The following CNTN4 variants were observed in gnomAD, a reference collection of about 807,000 sequenced individuals.
CNTN4 encodes the protein contactin 4, also known as contactin-4.
In CNTN4, 77 loss-of-function variants were observed where a neutral mutation model predicts 122.5. The observed-to-expected ratio is 0.63, with a 90% CI of 0.52 to 0.76. CNTN4 has a LOEUF of 0.76. Among genes scored for constraint, CNTN4 ranks in the 30% least tolerant of loss-of-function variants. The pLI is 0.00. For missense variants in CNTN4, 1,256 were observed against 1,259.1 expected (o/e 1.00, Z 0.04); for synonymous variants, 512 against 447.0 (o/e 1.15, Z -1.83).
chr3:2,791,140 T>G (rs951889232), intron 6 of CNTN4, among the ~76,000 whole-genome samples: 1 of 152,110 alleles, frequency 6.6e-6, no homozygotes, highest in Non-Finnish European at 1.5e-5. Flanking sequence ...TTAAAATGAG[T>G]TTTATCATGT....
chr3:2,651,820 C>G (rs2083374852), intron 4 of CNTN4, among the ~76,000 whole-genome samples: 1 of 151,300 alleles, frequency 6.6e-6, no homozygotes, highest in Non-Finnish European at 1.5e-5. Context: ...TTCCCTACTT[C>G]TTACTCTCGA....
At chr3:2,531,425 C>T (rs548962164) in intron 3 of CNTN4, among the ~76,000 whole-genome samples, 3 of 152,158 alleles carry the variant, frequency 2.0e-5, no homozygotes, top group Non-Finnish European at 4.4e-5. Flanking sequence ...GAGGGACCTT[C>T]TCCATCTCCA....
At position 2,520,698 on chromosome 3, in the gene CNTN4, G is replaced by A. The variant is rs1241046578; in HGVS notation, c.-88-50718G>A. ...ACTTTTTTTTAAACCACAAGATAGAGCCTAAATTCCATTTAATTTTCCACT... is the reference window on the plus strand; with the variant it reads ...ACTTTTTTTTAAACCACAAGATAGAACCTAAATTCCATTTAATTTTCCACT... On this transcript the variant is annotated intron_variant, in intron 3 of 24. Coordinates refer to ENST00000418658, the MANE Select transcript of CNTN4 (RefSeq NM_175607.3). Among the ~76,000 whole-genome samples, 3 of 151,526 alleles carry A rather than the reference G, an allele frequency of 2.0e-5. No homozygotes were observed. The East Asian group carries it at 5.9e-4, about 30-fold the overall frequency.
At chr3:2,418,678 G>T (rs568486449) in intron 3 of CNTN4, among the ~76,000 whole-genome samples, 25 of 152,098 alleles carry the variant, frequency 1.6e-4, no homozygotes, top group Non-Finnish European at 3.7e-4. Flanking sequence ...GGGTTTATAG[G>T]AAAGGAAATA....
intron 4 of CNTN4, among the ~76,000 whole-genome samples, chr3:2,707,856 A>T (rs745586063): frequency 6.6e-6 from 1 of 152,144 alleles, no homozygotes; most frequent in Non-Finnish European, 1.5e-5. Flanking sequence ...CTCTGACTAG[A>T]TGTCATGTGC....
At chr3:2,146,990 C>T (rs2035273945) in intron 2 of CNTN4, among the ~76,000 whole-genome samples, 1 of 152,116 alleles carries the variant, frequency 6.6e-6, no homozygotes, top group Non-Finnish European at 1.5e-5. Flanking sequence ...AAGCGATTCT[C>T]CTGCCTCAGC....
At position 2,179,908 on chromosome 3, in the gene CNTN4, G is replaced by A. The variant is rs529642194; in HGVS notation, c.-145+79269G>A. On this transcript the variant is annotated intron_variant, in intron 2 of 24. Transcript: ENST00000418658. Reference sequence around the variant, plus strand: ...TATGTAAAATAATCATTACTTCATAGGTACTCAGTTGTAAAAAAGATTAGT... The same window carrying A: ...TATGTAAAATAATCATTACTTCATAAGTACTCAGTTGTAAAAAAGATTAGT... Among the ~76,000 whole-genome samples, 4 of 151,896 alleles carry A rather than the reference G, an allele frequency of 2.6e-5. No individual in the cohort carries two copies. The East Asian group carries it at 7.7e-4, about 29-fold the overall frequency.
At chr3:2,474,691 G>A (rs990070617) in intron 3 of CNTN4, among the ~76,000 whole-genome samples, 1 of 152,190 alleles carries the variant, frequency 6.6e-6, no homozygotes, top group Non-Finnish European at 1.5e-5. Flanking sequence ...GTCAAGCCAT[G>A]TTAGAAACCC....
chr3:2,735,536 G>C (rs1345400559), intron 4 of CNTN4, among the ~76,000 whole-genome samples: 3 of 152,208 alleles, frequency 2.0e-5, no homozygotes, highest in African/African-American at 2.4e-5. Flanking sequence ...CATTGCACCT[G>C]TTATAGACCA....
chr3:2,466,970 C>CTTTCTTTCTTTT (rs1392656721), intron 3 of CNTN4, among the ~76,000 whole-genome samples: 1 of 115,806 alleles, frequency 8.6e-6, no homozygotes, highest in African/African-American at 3.4e-5. Context: ...TTCTTTCTTT[C>CTTTCTTTCTTTT]TTTTTTTTTT....
chr3:2,411,817 TCC>T (rs1491262126), intron 3 of CNTN4, among the ~76,000 whole-genome samples: 25 of 152,268 alleles, frequency 1.6e-4, no homozygotes, highest in African/African-American at 5.8e-4. Context: ...AGCATCGTTT[TCC>T]CCTTTTCCAT....
intron 2 of CNTN4, among the ~76,000 whole-genome samples, chr3:2,230,294 A>G (rs1009570836): frequency 1.3e-5 from 2 of 152,208 alleles, no homozygotes; most frequent in Admixed American, 6.5e-5. Flanking sequence ...CATAGTGTGT[A>G]CAACCAGAAG....
At chr3:2,714,649 C>T (rs1202283467) in intron 4 of CNTN4, among the ~76,000 whole-genome samples, 1 of 152,144 alleles carries the variant, frequency 6.6e-6, no homozygotes, top group Non-Finnish European at 1.5e-5. Context: ...CAGAACAGAA[C>T]CAGAGACAGC....
At chr3:2,742,561 GAATCCTATAGATACCCTCCCAGC>G (rs2089517810) in intron 5 of CNTN4, among the ~76,000 whole-genome samples, 2 of 2,222 alleles carry the variant, frequency 9.0e-4, no homozygotes, top group African/African-American at 2.4e-3. Context: ...TTGCTACAGC[GAATCCTATAGATACCCTCCCAGC>G]AAAGCCACAG....
At chr3:2,681,486 T>C (rs56979434) in intron 4 of CNTN4, among the ~76,000 whole-genome samples, 3,757 of 152,232 alleles carry the variant, frequency 0.025, 126 homozygotes, top group African/African-American at 0.081. Context: ...CCAGAACTTA[T>C]ATGGCTAGAG....
rs1283636430 is a variant in CNTN4, at chr3:2,121,078, C to CCCTCCCTT, written c.-145+20443_-145+20450dup. On this transcript the variant is annotated intron_variant, in intron 2 of 24. Coordinates refer to ENST00000418658, the MANE Select transcript of CNTN4 (RefSeq NM_175607.3). ...TGTGAATTTTAATGACTTCCTTCCT[C>CCCTCCCTT]CCTCCCTTCCTTCCCTCCCTTCTTC... Among the ~76,000 whole-genome samples, 3 of 142,740 alleles carry CCCTCCCTT rather than the reference C, an allele frequency of 2.1e-5. No individual in the cohort carries two copies. In the East Asian group the frequency reaches 6.0e-4, roughly 28 times the overall value. The allele number at this position is 142,740 out of a possible 152,430, so 93.6% of individuals were successfully genotyped here.
At chr3:2,467,504 C>T (rs1011922603) in intron 3 of CNTN4, among the ~76,000 whole-genome samples, 1 of 152,160 alleles carries the variant, frequency 6.6e-6, no homozygotes, top group African/African-American at 2.4e-5. Context: ...GAGCCTGTAT[C>T]TCAGCCTTTC....
chr3:2,537,953 T>TC (rs2077875507), intron 3 of CNTN4, among the ~76,000 whole-genome samples: 2 of 151,884 alleles, frequency 1.3e-5, no homozygotes, highest in African/African-American at 4.8e-5. Flanking sequence ...ATTGTGCTCC[T>TC]CCCCCTACCC....
At chr3:2,774,820 C>G (rs1158913582) in intron 6 of CNTN4, among the ~76,000 whole-genome samples, 1 of 152,172 alleles carries the variant, frequency 6.6e-6, no homozygotes. Context: ...ATACTGTTTT[C>G]TTATTTGTAT....
Sources: allele counts gnomAD v4.1 joint callset (sites outside exome capture counted in the v4.1 genomes callset), GRCh38; gene constraint gnomAD v4.1.1; transcripts MANE v1.5; gene names NCBI Gene and HGNC (gene_info 2026-07-23, HGNC 2026-07-21).